Variants in B4GALNT3 observed in about 807,000 individuals in gnomAD.
The protein encoded by B4GALNT3 is beta-1,4-N-acetyl-galactosaminyltransferase 3.
In B4GALNT3, 86 loss-of-function variants were observed where a neutral mutation model predicts 120.2. That is an observed-to-expected ratio of 0.72 (90% confidence interval 0.60 to 0.86). The LOEUF (loss-of-function observed/expected upper bound fraction) is 0.86, where lower values mean the gene tolerates loss of function less well. Among genes scored for constraint, B4GALNT3 ranks in the 40% least tolerant of loss-of-function variants. The pLI is 0.00. For missense variants in B4GALNT3, 1,167 were observed against 1,298.9 expected (o/e 0.90, Z 1.56); for synonymous variants, 518 against 510.4 (o/e 1.01, Z -0.20).
chr12:502,342 C>T (rs1023875396), intron 1 of B4GALNT3, among the ~76,000 whole-genome samples: 2 of 152,106 alleles, frequency 1.3e-5, no homozygotes, highest in African/African-American at 2.4e-5. Context: ...CGTAGTTAAG[C>T]GCCTCTTCTG....
At chr12:535,916 T>G (rs536101021) in intron 2 of B4GALNT3, among the ~76,000 whole-genome samples, 1 of 152,152 alleles carries the variant, frequency 6.6e-6, no homozygotes, top group South Asian at 2.1e-4. Flanking sequence ...GGAACCCAAA[T>G]CTATACAGCT....
intron 1 of B4GALNT3, among the ~76,000 whole-genome samples, chr12:504,118 TA>T (rs71045066): frequency 2.5e-4 from 35 of 142,350 alleles, no homozygotes; most frequent in Middle Eastern, 3.6e-3. Flanking sequence ...CTGTCTCAAT[TA>T]AAAAAAAAAA....
intron 7 of B4GALNT3, 137 bp downstream of exon 7, chr12:546,850 C>G (rs1947013949): frequency 1.2e-6 from 1 of 823,558 alleles, no homozygotes; most frequent in East Asian, 2.7e-5. Flanking sequence ...GCAACCGGGT[C>G]TTTGGCTCAG....
intron 1 of B4GALNT3, among the ~76,000 whole-genome samples, chr12:486,124 T>A (rs1946288408): frequency 6.6e-6 from 1 of 151,860 alleles, no homozygotes; most frequent in Non-Finnish European, 1.5e-5. Context: ...AAGTCCTCCC[T>A]GTACATTTTG....
chr12:483,795 G>A (rs1262462882), intron 1 of B4GALNT3, among the ~76,000 whole-genome samples: 1 of 152,204 alleles, frequency 6.6e-6, no homozygotes. Context: ...TTACAGGTGA[G>A]AAAATTGAAG....
chr12:470,948 C>T lies in B4GALNT3; in HGVS notation c.169+10403C>T, dbSNP rs142887813. 5.0e-3 allele frequency among the ~76,000 whole-genome samples: 766 copies of T among 151,768 alleles called. 3 individuals carry two copies. Among genetic ancestry groups the T allele is most frequent in the Non-Finnish European group, 7.9e-3 (533 of 67,808 alleles). ...TTCGCCATGTTGGTCAGGCTGGTCTCGAACTCCTGACCTCAGGTGATGCGC... is the reference window on the plus strand; with the variant it reads ...TTCGCCATGTTGGTCAGGCTGGTCTTGAACTCCTGACCTCAGGTGATGCGC... On this transcript the variant is annotated intron_variant, in intron 1 of 19. Coordinates refer to ENST00000266383, the MANE Select transcript of B4GALNT3 (RefSeq NM_173593.4).
At chr12:556,297 T>C (rs1232558158) in intron 14 of B4GALNT3, among the ~76,000 whole-genome samples, 4 of 152,216 alleles carry the variant, frequency 2.6e-5, no homozygotes, top group Non-Finnish European at 5.9e-5. Flanking sequence ...ATTCAGCTCA[T>C]GTACTTAGAA....
At chr12:482,410 A>G (rs1429520776) in intron 1 of B4GALNT3, among the ~76,000 whole-genome samples, 1 of 152,238 alleles carries the variant, frequency 6.6e-6, no homozygotes, top group Non-Finnish European at 1.5e-5. Flanking sequence ...CTCCTTTTAC[A>G]GATGAGGAAA....
intron 18 of B4GALNT3, 113 bp from the exon 19 acceptor site, chr12:559,182 C>G: frequency 7.0e-7 from 1 of 1,426,572 alleles, no homozygotes; most frequent in East Asian, 2.3e-5. Flanking sequence ...CAGCCTCCCT[C>G]AACCCCAGCC....
chr12:550,950 C>T lies in B4GALNT3; in HGVS notation c.1026C>T (p.Arg342=), dbSNP rs1947075232. The change falls in exon 11 of 20, where the codon CGC becomes CGT. Residue 342 remains arginine, a synonymous_variant. Transcript: ENST00000266383. This position sits in a 1 kb window ranked among gnomAD's most constrained non-coding sequence, Gnocchi z 4.1. ...CTCTGATCCCCAAGTCGCATCTCCG[C>T]CACGTCCTGCCTGACTGTCCCTACA... ...RVPLIPKSHL[R]HVLPDCPYKP... The T allele has an allele frequency of 6.2e-7, 1 of 1,614,070 alleles. No individual in the cohort carries two copies. The highest frequency in any genetic ancestry group is 8.5e-7 in the Non-Finnish European group (1 of 1,179,880).
intron 1 of B4GALNT3, among the ~76,000 whole-genome samples, chr12:512,553 G>C (rs865927349): frequency 2.4e-3 from 133 of 55,960 alleles, no homozygotes; most frequent in Middle Eastern, 0.019. Flanking sequence ...TTCCACCTTC[G>C]ACCTTCCACC....
chr12:533,376 C>T (rs1946826601), intron 1 of B4GALNT3, among the ~76,000 whole-genome samples: 1 of 152,252 alleles, frequency 6.6e-6, no homozygotes, highest in South Asian at 2.1e-4. Context: ...ACTCGCCAGA[C>T]CTCTTCCTGC....
intron 1 of B4GALNT3, among the ~76,000 whole-genome samples, chr12:494,695 C>A (rs1279605899): frequency 6.6e-6 from 1 of 152,066 alleles, no homozygotes; most frequent in Non-Finnish European, 1.5e-5. Context: ...TAGGAGAAGA[C>A]CCACAGATTG....
intron 1 of B4GALNT3, among the ~76,000 whole-genome samples, chr12:489,175 G>T (rs1946318108): frequency 6.6e-6 from 1 of 150,496 alleles, no homozygotes; most frequent in Non-Finnish European, 1.5e-5. Context: ...GGTTGGGGTG[G>T]GGGGGCAAGG....
At chr12:543,795 G>T (rs1264358609) in intron 3 of B4GALNT3, among the ~76,000 whole-genome samples, 1 of 126,904 alleles carries the variant, frequency 7.9e-6, no homozygotes, top group Admixed American at 7.5e-5. Context: ...CAGGCATGGG[G>T]TGCTCATCTT....
In B4GALNT3 at chr12:546,725, T is replaced by C; in HGVS notation, c.707+12T>C. On this transcript the variant is annotated intron_variant, in intron 7 of 19. Coordinates refer to ENST00000266383, the MANE Select transcript of B4GALNT3 (RefSeq NM_173593.4). Reference sequence around the variant, plus strand: ...TCCAAGCCGGTGAGGTGAGTGAGGGTCAGGACAGGCGCTGTGGGCGCCTCG... The same window carrying C: ...TCCAAGCCGGTGAGGTGAGTGAGGGCCAGGACAGGCGCTGTGGGCGCCTCG... 1 of 1,550,894 alleles carries C rather than the reference T, an allele frequency of 6.4e-7. No individual in the cohort carries two copies. The highest frequency in any genetic ancestry group is 8.7e-7 in the Non-Finnish European group (1 of 1,146,576).
intron 1 of B4GALNT3, among the ~76,000 whole-genome samples, chr12:471,048 A>T (rs1592009690): frequency 6.6e-6 from 1 of 151,166 alleles, no homozygotes; most frequent in Non-Finnish European, 1.5e-5. Context: ...TATTTTTCAT[A>T]TCTGTAAGTT....
At chr12:511,482 T>TCTTCCACCTTCTTCCAC (rs1946559071) in intron 1 of B4GALNT3, among the ~76,000 whole-genome samples, 1 of 66,230 alleles carries the variant, frequency 1.5e-5, no homozygotes, top group Non-Finnish European at 2.5e-5. Flanking sequence ...TCTTCCACCT[T>TCTTCCACCTTCTTCCAC]CTTCCACCTT....
Position 544,902 on chromosome 12 carries a change from G to A in B4GALNT3, c.468G>A (p.Lys156=), listed in dbSNP as rs372344231. ...CATAGATTCGCACAACCCTGAGGAA[G>A]CTTGCTGTGTCCCCCAAATGGACCA... ...LYPHIRTTLR[K]LAVSPKWTNY... The change falls in exon 5 of 20, where the codon AAG becomes AAA. Residue 156 remains lysine (K), a synonymous_variant. Coordinates refer to ENST00000266383, the MANE Select transcript of B4GALNT3 (RefSeq NM_173593.4). The A allele has an allele frequency of 1.2e-6, 2 of 1,613,912 alleles. No individual in the cohort carries two copies. The highest frequency in any genetic ancestry group is 2.7e-5 in the African/African-American group (2 of 74,902).
Sources: gnomAD v4.1 joint callset for allele counts (sites outside exome capture counted in the v4.1 genomes callset) on GRCh38, gnomAD v4.1.1 for gene constraint, Gnocchi (gnomAD v3.1) non-coding constraint, MANE v1.5 for transcripts, NCBI Gene and HGNC (gene_info 2026-07-23, HGNC 2026-07-21) for gene names.